The following MAPK4 variants were observed in gnomAD, a reference collection of about 807,000 sequenced individuals.
MAPK4 encodes the protein Erk3-related.
Under a neutral mutation model 47.7 loss-of-function variants are expected in MAPK4, and 22 were observed. The ratio of observed to expected loss-of-function variants is 0.46; its 90% confidence interval spans 0.33 to 0.66. The LOEUF (loss-of-function observed/expected upper bound fraction) is 0.66, where lower values mean the gene tolerates loss of function less well. Among genes scored for constraint, MAPK4 ranks in the 30% least tolerant of loss-of-function variants. The probability of loss-of-function intolerance (pLI) is 0.02; values close to 1 mark genes in which losing one functional copy is unlikely to be tolerated. For synonymous variants in MAPK4, 390 were observed against 365.7 expected (o/e 1.07, Z -0.76); for missense variants, 736 against 831.7 (o/e 0.88, Z 1.42).
At chr18:50,592,146 G>A (rs993737262) in intron 1 of MAPK4, among the ~76,000 whole-genome samples, 1 of 152,184 alleles carries the variant, frequency 6.6e-6, no homozygotes, top group Non-Finnish European at 1.5e-5. Context: ...TGTAGACCTT[G>A]CCTGTCATGA....
chr18:50,647,839 A>G (rs1428547991), intron 1 of MAPK4, among the ~76,000 whole-genome samples: 6 of 152,020 alleles, frequency 3.9e-5, no homozygotes, highest in African/African-American at 1.4e-4. Flanking sequence ...TAGAGAGCTA[A>G]TCCATGATTC....
intron 2 of MAPK4, among the ~76,000 whole-genome samples, chr18:50,697,407 A>G (rs937836347): frequency 3.9e-5 from 6 of 152,186 alleles, no homozygotes; most frequent in African/African-American, 1.4e-4. Context: ...GAAGCTCAAT[A>G]GATATTTGCT....
chr18:50,684,816 G>A (rs953958268), intron 2 of MAPK4, among the ~76,000 whole-genome samples: 4 of 152,160 alleles, frequency 2.6e-5, no homozygotes, highest in African/African-American at 9.7e-5. Flanking sequence ...AAGGCACTGG[G>A]ATGAATCTAA....
At chr18:50,586,488 G>A (rs1420182922) in intron 1 of MAPK4, among the ~76,000 whole-genome samples, 1 of 151,876 alleles carries the variant, frequency 6.6e-6, no homozygotes, top group East Asian at 1.9e-4. Context: ...CAGCCAGCCT[G>A]GGTGTGAATT....
chr18:50,585,004 A>T (rs551382494), intron 1 of MAPK4, among the ~76,000 whole-genome samples: 1 of 152,218 alleles, frequency 6.6e-6, no homozygotes, highest in Non-Finnish European at 1.5e-5. Flanking sequence ...CTTGTCCATC[A>T]TTTGATTCTG....
chr18:50,664,210 C>T lies in MAPK4; in HGVS notation c.252C>T (p.Leu84=), dbSNP rs56335862. The T allele has an allele frequency of 4.9e-4, 789 of 1,614,052 alleles. No homozygotes were observed. Among genetic ancestry groups the T allele is most frequent in the Admixed American group, 1.5e-3 (91 of 60,024 alleles). ...ACATCGTCAAAGTGTACGAGGTGCT[C>T]GGTCCCAAGGGCACTGACCTGCAGG... The part of the protein sequence containing the change: ...HDNIVKVYEV[L]GPKGTDLQGE... The change falls in exon 2 of 6, where the codon CTC becomes CTT. Residue 84 remains leucine (L), a synonymous_variant. Transcript: ENST00000400384. This position sits in a 1 kb window ranked among gnomAD's most constrained non-coding sequence, Gnocchi z 6.0.
At chr18:50,657,290 G>T (rs1180845333) in intron 1 of MAPK4, among the ~76,000 whole-genome samples, 1 of 152,208 alleles carries the variant, frequency 6.6e-6, no homozygotes, top group African/African-American at 2.4e-5. Flanking sequence ...CCTCAACAGG[G>T]ATGGGTTTGG....
intron 2 of MAPK4, among the ~76,000 whole-genome samples, chr18:50,692,844 G>A (rs1273945027): frequency 2.6e-5 from 4 of 152,174 alleles, no homozygotes. Flanking sequence ...TAGGAATGGT[G>A]ACTGGCTTCC....
intron 1 of MAPK4, among the ~76,000 whole-genome samples, chr18:50,561,445 C>T (rs1209266519): frequency 6.6e-6 from 1 of 152,148 alleles, no homozygotes; most frequent in Non-Finnish European, 1.5e-5. Context: ...GAGCACCTAC[C>T]CCGTGCGAAG....
In MAPK4 at chr18:50,648,284, G is replaced by A. The variant is rs2043010392; in HGVS notation, c.-870-14805G>A. Among the ~76,000 whole-genome samples, 6 of 152,098 alleles carry A rather than the reference G, an allele frequency of 3.9e-5. No homozygotes were observed. In the South Asian group the frequency reaches 1.2e-3, roughly 32 times the overall value. On this transcript the variant is annotated intron_variant, in intron 1 of 5. Coordinates refer to ENST00000400384, the MANE Select transcript of MAPK4 (RefSeq NM_002747.4). ...GTGTCACAAGCAGGTGGACCTGCGT[G>A]TGTGGAGAATGTGGTGAATCAGGGA...
At position 50,727,850 on chromosome 18, in the gene MAPK4, G is replaced by T. The variant is rs77423841; in HGVS notation, c.1068-1308G>T. 6.7e-3 allele frequency among the ~76,000 whole-genome samples: 1,019 copies of T among 152,302 alleles called. 8 individuals are homozygous for T. The highest frequency in any genetic ancestry group is 0.024 in the African/African-American group (979 of 41,562). On this transcript the variant is annotated intron_variant, in intron 5 of 5. Transcript: ENST00000400384. ...AGTTTCCCAACTGTAAAGCGGGGGT[G>T]ATAACACAAAGTCCACAGGGTTGCT...
At chr18:50,599,207 T>C (rs78308815) in intron 1 of MAPK4, among the ~76,000 whole-genome samples, 124 of 152,332 alleles carry the variant, frequency 8.1e-4, no homozygotes, top group Admixed American at 2.2e-3. Context: ...ATTCTCACTG[T>C]GTACCTTGAG....
intron 4 of MAPK4, among the ~76,000 whole-genome samples, chr18:50,722,563 G>A (rs1034275885): frequency 2.0e-5 from 3 of 152,018 alleles, no homozygotes; most frequent in African/African-American, 7.3e-5. Context: ...CAGCAGGCCT[G>A]GGAAGAGGCC....
chr18:50,633,330 GT>G (rs1390587387), intron 1 of MAPK4, among the ~76,000 whole-genome samples: 2 of 152,362 alleles, frequency 1.3e-5, no homozygotes, highest in South Asian at 2.1e-4. Flanking sequence ...CTGCCTGGGA[GT>G]GAGCCACTGT....
At chr18:50,563,035 A>G (rs2042167693) in intron 1 of MAPK4, among the ~76,000 whole-genome samples, 1 of 152,122 alleles carries the variant, frequency 6.6e-6, no homozygotes, top group Admixed American at 6.5e-5. Context: ...TTCTCCCTAA[A>G]TTATTTCTGA....
chr18:50,711,189 T>G (rs535513077), intron 2 of MAPK4, among the ~76,000 whole-genome samples: 79 of 152,310 alleles, frequency 5.2e-4, no homozygotes, highest in African/African-American at 1.9e-3. Context: ...CTAATTATGC[T>G]CCTCACAGGG....
intron 1 of MAPK4, among the ~76,000 whole-genome samples, chr18:50,568,290 A>G (rs913307294): frequency 6.6e-6 from 1 of 152,108 alleles, no homozygotes; most frequent in Admixed American, 6.5e-5. Flanking sequence ...CAGGCTAAAC[A>G]TTTTGTTGAT....
At chr18:50,706,734 T>C (rs900150661) in intron 2 of MAPK4, among the ~76,000 whole-genome samples, 2 of 152,162 alleles carry the variant, frequency 1.3e-5, no homozygotes, top group Non-Finnish European at 2.9e-5. Flanking sequence ...GGAGAACTTG[T>C]AGCCCCTCCA....
intron 2 of MAPK4, among the ~76,000 whole-genome samples, chr18:50,689,894 A>C (rs747029279): frequency 6.6e-6 from 1 of 152,194 alleles, no homozygotes; most frequent in Non-Finnish European, 1.5e-5. Flanking sequence ...AATAACAACA[A>C]CACTTTAGGA....
Sources: allele counts gnomAD v4.1 joint callset (sites outside exome capture counted in the v4.1 genomes callset), GRCh38; gene constraint gnomAD v4.1.1; non-coding constraint Gnocchi (gnomAD v3.1); transcripts MANE v1.5; gene names NCBI Gene and HGNC (gene_info 2026-07-23, HGNC 2026-07-21).